RP1: variants seen among roughly 807,000 people sequenced by gnomAD.
The protein encoded by RP1 is oxygen-regulated protein 1.
In RP1, 16 loss-of-function variants were observed where a neutral mutation model predicts 14.8. The ratio of observed to expected loss-of-function variants is 1.08; its 90% CI spans 0.73 to 1.65. RP1 has a LOEUF of 1.65. Among genes scored for constraint, RP1 ranks in the 40% most tolerant of loss-of-function variants. The pLI, the probability that RP1 is intolerant of heterozygous loss-of-function variation, is 0.00. For synonymous variants in RP1, 876 were observed against 883.6 expected, an observed-to-expected ratio of 0.99 and a Z score of 0.15; for missense variants, 2,631 against 2,535.0, an observed-to-expected ratio of 1.04 and a Z score of -0.81.
At chr8:54,762,922 G>A (rs910881466) in intron 22 of RP1, among the ~76,000 whole-genome samples, 1 of 152,102 alleles carries the variant, frequency 6.6e-6, no homozygotes, top group Non-Finnish European at 1.5e-5. Flanking sequence ...CTGTGTCTCT[G>A]TATTTCTTAT....
chr8:54,605,523 G>A (rs11998627), intron 1 of RP1, among the ~76,000 whole-genome samples: 51,586 of 151,162 alleles, frequency 0.34, 9,363 homozygotes, highest in Middle Eastern at 0.49. Context: ...CTGTTGATTT[G>A]GGGTGGAGAG....
intron 1 of RP1, among the ~76,000 whole-genome samples, chr8:54,583,584 C>T (rs1395580117): frequency 1.3e-5 from 2 of 152,170 alleles, no homozygotes; most frequent in Non-Finnish European, 2.9e-5. Context: ...GGTACCAGTT[C>T]CTCCTTGTAC....
intron 22 of RP1, among the ~76,000 whole-genome samples, chr8:54,760,640 A>G (rs1809615949): frequency 6.6e-6 from 1 of 151,568 alleles, no homozygotes; most frequent in African/African-American, 2.4e-5. Flanking sequence ...CTGACTCTAT[A>G]TTTCCCCCTC....
chr8:54,576,017 AAAAG>A (rs1313541936), intron 1 of RP1, among the ~76,000 whole-genome samples: 2 of 151,768 alleles, frequency 1.3e-5, no homozygotes, highest in African/African-American at 4.8e-5. Flanking sequence ...CCTAGGGAGA[AAAAG>A]AAAGAATAAA....
chr8:54,821,597 T>A (rs1328965092), intron 24 of RP1, among the ~76,000 whole-genome samples: 1 of 152,140 alleles, frequency 6.6e-6, no homozygotes, highest in Non-Finnish European at 1.5e-5. Flanking sequence ...GTTGTGAAGA[T>A]GAAACTACCA....
At chr8:54,764,861 T>C (rs1480821371) in intron 22 of RP1, among the ~76,000 whole-genome samples, 1 of 150,146 alleles carries the variant, frequency 6.7e-6, no homozygotes, top group African/African-American at 2.5e-5. Context: ...TAAGTGTTAA[T>C]GACAACAAGA....
intron 1 of RP1, 27 bp from the exon 2 acceptor site, chr8:54,620,928 C>T: frequency 6.2e-7 from 1 of 1,608,640 alleles, no homozygotes; most frequent in Non-Finnish European, 8.5e-7. Flanking sequence ...TGCTGTGATT[C>T]TGGAGATAAT....
rs555980883 is a variant in RP1, at chr8:54,671,259, C to T, written c.1324-2591C>T. On this transcript the variant is annotated intron_variant, in intron 7 of 22. Coordinates refer to the RP1 transcript ENST00000636932. ...AGTTGCCTTTCTCTTGCTGCTTCCA[C>T]GATTGTCTCTTTTAAAGTCACCAGT... is the stretch of plus-strand genomic sequence containing the variant. Among the ~76,000 whole-genome samples, 8 of 152,152 alleles carry T rather than the reference C, an allele frequency of 5.3e-5. No individual in the cohort carries two copies. The South Asian group carries it at 8.3e-4, about 16-fold the overall frequency.
At chr8:54,693,601 A>G (rs1257596150) in intron 12 of RP1, among the ~76,000 whole-genome samples, 22 of 152,128 alleles carry the variant, frequency 1.4e-4, no homozygotes, top group Admixed American at 1.3e-4. Context: ...GAGTTCACTC[A>G]TGATTTGACT....
chr8:54,693,345 T>C (rs1182999868), intron 12 of RP1, among the ~76,000 whole-genome samples: 1 of 152,192 alleles, frequency 6.6e-6, no homozygotes, highest in Non-Finnish European at 1.5e-5. Context: ...TTTTTTCTAA[T>C]TCTGTGAAGA....
chr8:54,782,414 T>G (rs1447992842), intron 23 of RP1, among the ~76,000 whole-genome samples: 1 of 152,182 alleles, frequency 6.6e-6, no homozygotes, highest in Non-Finnish European at 1.5e-5. Flanking sequence ...TAGCATTGTG[T>G]TTTTAAAAGA....
In RP1 at chr8:54,628,075, C is replaced by G. The variant is rs769270937; in HGVS notation, c.4193C>G (p.Ser1398Cys). The G allele has an allele frequency of 7.2e-5, 116 of 1,613,864 alleles. No homozygotes were observed. The highest frequency in any genetic ancestry group is 9.3e-5 in the Non-Finnish European group (110 of 1,179,940). ...VSHQNVSNLSSCGLCLSEKEA... is the reference protein window; with the variant it reads ...VSHQNVSNLSCCGLCLSEKEA... Reference sequence around the variant, plus strand: ...CATCAAAATGTCAGTAATTTAAGCTCCTGTGGCCTTTGCCTAAGTGAAAAA... The same window carrying G: ...CATCAAAATGTCAGTAATTTAAGCTGCTGTGGCCTTTGCCTAAGTGAAAAA... Residue 1398 changes from serine (S) to cysteine (C), a missense_variant, in exon 4 of 4, where the codon TCC (serine) becomes TGC (cysteine). Ser to Cys is a moderately radical substitution (Grantham distance 112). Coordinates refer to ENST00000220676, the MANE Select transcript of RP1 (RefSeq NM_006269.2).
At chr8:54,746,604 T>C (rs1198322727) in intron 19 of RP1, among the ~76,000 whole-genome samples, 3 of 152,208 alleles carry the variant, frequency 2.0e-5, no homozygotes, top group African/African-American at 7.2e-5. Context: ...AAGATAAGCA[T>C]ACATGTTAGC....
At chr8:54,807,483 G>C (rs1271076475) in intron 24 of RP1, among the ~76,000 whole-genome samples, 1 of 152,048 alleles carries the variant, frequency 6.6e-6, no homozygotes, top group Non-Finnish European at 1.5e-5. Flanking sequence ...TTCAATGTGT[G>C]TTTCTGATGC....
intron 1 of RP1, among the ~76,000 whole-genome samples, chr8:54,565,330 C>A (rs1402954905): frequency 6.6e-6 from 1 of 152,040 alleles, no homozygotes; most frequent in Non-Finnish European, 1.5e-5. Context: ...TTTGGGAGGC[C>A]AAGGTGGGCA....
intron 25 of RP1, among the ~76,000 whole-genome samples, chr8:54,843,102 T>G (rs1585739547): frequency 6.6e-6 from 1 of 152,280 alleles, no homozygotes; most frequent in Non-Finnish European, 1.5e-5. Flanking sequence ...GCTGGAGTGC[T>G]GTGGTGCAAT....
At chr8:54,674,037 T>G in intron 8 of RP1, 8 of 799,646 alleles carry the variant, frequency 1.0e-5, no homozygotes, top group Non-Finnish European at 1.4e-5. Context: ...AATGGATCTC[T>G]ATGTATTGAC....
chr8:54,628,772 G>A lies in RP1; in HGVS notation c.4890G>A (p.Arg1630=). 6.2e-7 allele frequency: 1 copy of A among 1,614,010 alleles called. No individual in the cohort carries two copies. The highest frequency in any genetic ancestry group is 1.1e-5 in the South Asian group (1 of 91,070). ...EKEYNIGFVK[R]AIEKLYGKAD... is the part of the protein sequence containing the mutation. The stretch of plus-strand genomic sequence containing the variant: ...AATATAACATAGGATTTGTTAAAAG[G>A]GCAATAGAAAAACTGTACGGTAAAG... Residue 1630 remains arginine, a synonymous_variant, in exon 4 of 4, where the codon AGG becomes AGA. Coordinates refer to ENST00000220676, the MANE Select transcript of RP1 (RefSeq NM_006269.2).
intron 12 of RP1, among the ~76,000 whole-genome samples, chr8:54,683,024 C>G (rs1333164010): frequency 6.6e-6 from 1 of 152,138 alleles, no homozygotes; most frequent in African/African-American, 2.4e-5. Context: ...TATGGCTAGT[C>G]AGTTTTCCCA....
Sources: allele counts gnomAD v4.1 joint callset (sites outside exome capture counted in the v4.1 genomes callset), GRCh38; gene constraint gnomAD v4.1.1; transcripts MANE v1.5; gene names NCBI Gene and HGNC (gene_info 2026-07-23, HGNC 2026-07-21).